Variants in KIAA0232 observed in about 807,000 individuals in gnomAD.
KIAA0232 encodes the protein KIAA0232, also known as uncharacterized protein KIAA0232.
In KIAA0232, 27 loss-of-function variants were observed where a neutral mutation model predicts 122.0. The ratio of observed to expected loss-of-function variants is 0.22; its 90% confidence interval spans 0.16 to 0.31. The LOEUF (loss-of-function observed/expected upper bound fraction) is 0.31, where lower values mean the gene tolerates loss of function less well. Ranked by LOEUF, KIAA0232 falls within the 10% of genes least tolerant of loss-of-function variation. The probability of loss-of-function intolerance (pLI) is 1.00; values close to 1 mark genes in which losing one functional copy is unlikely to be tolerated. For synonymous variants in KIAA0232, 613 were observed against 587.6 expected, an observed-to-expected ratio of 1.04 and a Z score of -0.63; for missense variants, 1,551 against 1,634.2, an observed-to-expected ratio of 0.95 and a Z score of 0.88.
chr4:6,843,268 C>G (rs1719760326), intron 4 of KIAA0232, among the ~76,000 whole-genome samples: 1 of 152,132 alleles, frequency 6.6e-6, no homozygotes, highest in Non-Finnish European at 1.5e-5. Context: ...GGTTTAAGTA[C>G]CTTTATGATG....
At chr4:6,854,579 C>T (rs1307013928) in intron 4 of KIAA0232, among the ~76,000 whole-genome samples, 1 of 152,180 alleles carries the variant, frequency 6.6e-6, no homozygotes, top group African/African-American at 2.4e-5. Context: ...AACTTGCCAG[C>T]GTCTGTATGT....
intron 1 of KIAA0232, among the ~76,000 whole-genome samples, chr4:6,797,150 G>C (rs1221355802): frequency 6.6e-6 from 1 of 152,186 alleles, no homozygotes; most frequent in African/African-American, 2.4e-5. Context: ...TTTAAGAGCA[G>C]TGTTTTAACA....
chr4:6,867,751 C>T (rs1293330601), intron 7 of KIAA0232, among the ~76,000 whole-genome samples: 2 of 152,192 alleles, frequency 1.3e-5, no homozygotes, highest in Non-Finnish European at 2.9e-5. Context: ...AGGCTTCTGT[C>T]ACCACTATCC....
At chr4:6,813,423 C>T (rs929632728) in intron 2 of KIAA0232, among the ~76,000 whole-genome samples, 5 of 150,660 alleles carry the variant, frequency 3.3e-5, no homozygotes, top group South Asian at 2.1e-4. Context: ...AATGCAGTGG[C>T]GCAGTCTCGG....
At chr4:6,791,256 A>G (rs1716880232) in intron 1 of KIAA0232, among the ~76,000 whole-genome samples, 1 of 150,970 alleles carries the variant, frequency 6.6e-6, no homozygotes, top group Non-Finnish European at 1.5e-5. Flanking sequence ...TAAACTTGTT[A>G]AAGTATGTGT....
chr4:6,839,695 G>A (rs985748134), intron 3 of KIAA0232, among the ~76,000 whole-genome samples: 5 of 152,090 alleles, frequency 3.3e-5, no homozygotes, highest in East Asian at 3.9e-4. Context: ...GGGCAGGCCC[G>A]CAGGAAACAG....
chr4:6,876,479 T>C (rs1721763656), intron 8 of KIAA0232, among the ~76,000 whole-genome samples, 181 bp from the exon 9 acceptor site: 2 of 152,196 alleles, frequency 1.3e-5, no homozygotes, highest in African/African-American at 2.4e-5. Flanking sequence ...TAGCGTTTTT[T>C]TTCTCTTACA....
At chr4:6,872,078 CAG>C (rs1364585406) in intron 8 of KIAA0232, among the ~76,000 whole-genome samples, 2 of 152,154 alleles carry the variant, frequency 1.3e-5, no homozygotes, top group African/African-American at 4.8e-5. Flanking sequence ...GAGAGACAGA[CAG>C]GGCAGGAGCC....
At chr4:6,809,598 GAAAT>G (rs1437951634) in intron 2 of KIAA0232, among the ~76,000 whole-genome samples, 7 of 151,940 alleles carry the variant, frequency 4.6e-5, no homozygotes, top group Admixed American at 1.3e-4. Context: ...GCAAGAGAAA[GAAAT>G]AAAAGGCATC....
In KIAA0232 at chr4:6,862,515, T is replaced by C. The variant is rs879442534; in HGVS notation, c.2133T>C (p.Cys711=). The C allele has an allele frequency of 3.1e-6, 5 of 1,613,744 alleles. No individual in the cohort carries two copies. Among genetic ancestry groups the C allele is most frequent in the Non-Finnish European group, 4.2e-6 (5 of 1,179,952 alleles). Residue 711 remains cysteine, a synonymous_variant, in exon 7 of 10, where the codon TGT becomes TGC. Coordinates refer to ENST00000307659, the MANE Select transcript of KIAA0232 (RefSeq NM_014743.3). ...EHCSNLSTRT[C]SPWSHSEETR... ...GTTCTAATCTTTCAACAAGAACTTG[T>C]AGTCCATGGTCCCATTCAGAAGAAA...
Position 6,883,492 on chromosome 4 carries a change from T to C in KIAA0232, c.*2526T>C, listed in dbSNP as rs1722177404. On this transcript the variant is annotated 3_prime_UTR_variant, in exon 10 of 10. Coordinates refer to ENST00000307659, the MANE Select transcript of KIAA0232 (RefSeq NM_014743.3). ...ACATTTGTTCTAGATGGAGGTCATT[T>C]AGCTCTCATTGCAGACACTGCTGAA... is the stretch of plus-strand genomic sequence containing the variant. The C allele has an allele frequency of 1.3e-5, 2 of 152,228 alleles. No homozygotes were observed. The highest frequency in any genetic ancestry group is 6.5e-5 in the Admixed American group (1 of 15,282). The allele number at this position is 152,228 out of a possible 1,614,324, so 9.4% of individuals were successfully genotyped here. A position where few individuals can be genotyped will look rare whatever the true frequency, so the allele number is the denominator to read the frequency against.
At chr4:6,817,728 T>G (rs1718204116) in intron 2 of KIAA0232, among the ~76,000 whole-genome samples, 1 of 152,204 alleles carries the variant, frequency 6.6e-6, no homozygotes, top group Non-Finnish European at 1.5e-5. Flanking sequence ...CCTTACTGGT[T>G]TTTTTGTGTA....
rs1007587565 is a variant in KIAA0232 at position 6,881,069 on chromosome 4, C to G, written c.*103C>G. ...AAAACAACAACTTAGGTTTCCTCTT[C>G]AATTAACTGATTCAGATTGGTAATA... On this transcript the variant is annotated 3_prime_UTR_variant, in exon 10 of 10. Coordinates refer to ENST00000307659, the MANE Select transcript of KIAA0232 (RefSeq NM_014743.3). The G allele has an allele frequency of 5.3e-6, 4 of 759,260 alleles. No individual in the cohort carries two copies. The highest frequency in any genetic ancestry group is 7.7e-6 in the Non-Finnish European group (4 of 521,592). The allele number at this position is 759,260 out of a possible 1,614,324, so 47.0% of individuals were successfully genotyped here. A position where few individuals can be genotyped will look rare whatever the true frequency, so the allele number is the denominator to read the frequency against.
chr4:6,870,601 G>A (rs150678600), intron 7 of KIAA0232, among the ~76,000 whole-genome samples: 1,870 of 152,260 alleles, frequency 0.012, 37 homozygotes, highest in African/African-American at 0.04. Flanking sequence ...TCACAAGTTC[G>A]AGACCAGCCT....
intron 1 of KIAA0232, among the ~76,000 whole-genome samples, chr4:6,803,087 G>A (rs1462322700): frequency 4.6e-5 from 7 of 150,946 alleles, no homozygotes; most frequent in African/African-American, 1.7e-4. Flanking sequence ...AAGGTGAGGT[G>A]GGAGGATCAC....
chr4:6,835,450 AC>A (rs1315142981), intron 3 of KIAA0232, among the ~76,000 whole-genome samples: 2 of 152,216 alleles, frequency 1.3e-5, no homozygotes, highest in African/African-American at 4.8e-5. Flanking sequence ...AACAAGCCTT[AC>A]CCAAAGAATT....
chr4:6,786,552 C>G (rs1357939562), intron 1 of KIAA0232, among the ~76,000 whole-genome samples: 1 of 152,186 alleles, frequency 6.6e-6, no homozygotes, highest in Non-Finnish European at 1.5e-5. Flanking sequence ...AAGCAATCCT[C>G]CCACCTCAAC....
At position 6,862,241 on chromosome 4, in the gene KIAA0232, G is replaced by A. The variant is rs1224566028; in HGVS notation, c.1859G>A (p.Ser620Asn). 1.9e-6 allele frequency: 3 copies of A among 1,614,118 alleles called. No homozygotes were observed. The highest frequency in any genetic ancestry group is 2.5e-6 in the Non-Finnish European group (3 of 1,180,014). ...SPVRLSPILD[S>N]TVLNSHLLAG... ...GTTAGACTCTCTCCCATCTTAGACA[G>A]CACAGTGCTCAATTCACACCTGCTT... Residue 620 changes from serine (S) to asparagine (N), a missense_variant, in exon 7 of 10, where the codon AGC becomes AAC. By Grantham distance (46) the Ser-to-Asn change is conservative (BLOSUM62 1). Transcript: ENST00000307659.
chr4:6,857,006 T>C lies in KIAA0232; in HGVS notation c.370-158T>C, dbSNP rs761503452. ...GTATACCAATTTGTATCTACAAACC[T>C]ATAATTTTTAAACTGTAGTATTCAC... On this transcript the variant is annotated intron_variant, in intron 4 of 9. Coordinates refer to ENST00000307659, the MANE Select transcript of KIAA0232 (RefSeq NM_014743.3). 8.9e-4 allele frequency among the ~76,000 whole-genome samples: 135 copies of C among 152,354 alleles called. 1 individual carries two copies. The highest frequency in any genetic ancestry group is 1.8e-3 in the Non-Finnish European group (123 of 68,034).
Sources: gnomAD v4.1 joint callset for allele counts (sites outside exome capture counted in the v4.1 genomes callset) on GRCh38, gnomAD v4.1.1 for gene constraint, MANE v1.5 for transcripts, NCBI Gene and HGNC (gene_info 2026-07-23, HGNC 2026-07-21) for gene names.